Variants in PIAS2 observed in about 807,000 individuals in gnomAD.
The protein encoded by PIAS2 is protein inhibitor of activated STAT 2.
A neutral mutation model predicts 69.7 loss-of-function variants in PIAS2; 19 were observed. That is an observed-to-expected ratio of 0.27 (90% confidence interval 0.19 to 0.40). The LOEUF (loss-of-function observed/expected upper bound fraction) is 0.40, where lower values mean the gene tolerates loss of function less well. Ranked by LOEUF, PIAS2 falls within the 10% of genes least tolerant of loss-of-function variation. The pLI, the probability that PIAS2 is intolerant of heterozygous loss-of-function variation, is 1.00. For synonymous variants in PIAS2, 261 were observed against 263.2 expected, an observed-to-expected ratio of 0.99 and a Z score of 0.08; for missense variants, 624 against 757.0, an observed-to-expected ratio of 0.82 and a Z score of 2.06.
rs193137552 is a variant in PIAS2, at chr18:46,803,415, C to T, written c.*9018G>A. 2 of 152,176 alleles carry T rather than the reference C, an allele frequency of 1.3e-5. No homozygotes were observed. Among genetic ancestry groups the T allele is most frequent in the African/African-American group, 4.8e-5 (2 of 41,440 alleles). The allele number at this position is 152,176 out of a possible 1,614,324, so 9.4% of individuals were successfully genotyped here. A position where few individuals can be genotyped will look rare whatever the true frequency, so the allele number is the denominator to read the frequency against. The stretch of plus-strand genomic sequence containing the variant: ...CTATTTTTTGGCCTCTGTAATACCA[C>T]GTTATTTTCCTTCAGTCTCAGCTGC... On this transcript the variant is annotated 3_prime_UTR_variant, in exon 14 of 14. Coordinates refer to ENST00000585916, the MANE Select transcript of PIAS2 (RefSeq NM_004671.5).
intron 1 of PIAS2, among the ~76,000 whole-genome samples, chr18:46,895,406 C>T (rs1210073028): frequency 6.6e-6 from 1 of 152,150 alleles, no homozygotes; most frequent in Non-Finnish European, 1.5e-5. Context: ...CACGGTGGCT[C>T]ACACCTGTAA....
intron 8 of PIAS2, among the ~76,000 whole-genome samples, chr18:46,842,134 G>A (rs2045490973): frequency 6.6e-6 from 1 of 151,900 alleles, no homozygotes. Context: ...GCTGAGATGG[G>A]AAGATCACTT....
chr18:46,874,042 G>A (rs1198095190), intron 2 of PIAS2, among the ~76,000 whole-genome samples: 1 of 152,210 alleles, frequency 6.6e-6, no homozygotes, highest in Non-Finnish European at 1.5e-5. Context: ...GTTGCATCAA[G>A]AAACCCACTG....
At position 46,816,812 on chromosome 18, in the gene PIAS2, AC is replaced by A. The variant is rs1358213412; in HGVS notation, c.1649-1464del. 14 of 985,022 alleles carry A rather than the reference AC, an allele frequency of 1.4e-5. No homozygotes were observed. The African/African-American group carries it at 2.4e-4, about 17-fold the overall frequency. The allele number at this position is 985,022 out of a possible 1,614,324, so 61.0% of individuals were successfully genotyped here. A position where few individuals can be genotyped will look rare whatever the true frequency, so the allele number is the denominator to read the frequency against. ...ATATGTCTGTCACTAGCTATATGAC[AC>A]AGTGGTTTGAGCCAATACTAAACCA... On this transcript the variant is annotated intron_variant, in intron 12 of 13. Transcript: ENST00000585916.
rs2048548811 is a variant in PIAS2, at chr18:46,860,853, TGTAGTC to T, written c.584+3305_584+3310del. ...TTAGCCAGGTGTGGTGTTGTACACC[TGTAGTC>T]CTAGCTTCTTGTGGGGCTGAGATGG... is the stretch of plus-strand genomic sequence containing the variant. On this transcript the variant is annotated intron_variant, in intron 3 of 13. Transcript: ENST00000585916. Among the ~76,000 whole-genome samples the T allele has an allele frequency of 2.6e-5, 4 of 152,170 alleles. No homozygotes were observed. The South Asian group carries it at 8.3e-4, about 32-fold the overall frequency.
intron 2 of PIAS2, among the ~76,000 whole-genome samples, chr18:46,877,477 T>C (rs547877483): frequency 3.3e-5 from 5 of 151,986 alleles, no homozygotes; most frequent in Admixed American, 6.6e-5. Context: ...TCTTCACTCC[T>C]GACCACCCAT....
chr18:46,867,111 A>G (rs2049604922), intron 2 of PIAS2, among the ~76,000 whole-genome samples: 1 of 152,146 alleles, frequency 6.6e-6, no homozygotes, highest in Admixed American at 6.5e-5. Flanking sequence ...CAATTTATAG[A>G]ACTGGCAGCT....
chr18:46,836,104 A>G (rs539096585), intron 9 of PIAS2: 38 of 300,952 alleles, frequency 1.3e-4, no homozygotes, highest in Middle Eastern at 2.0e-3. Context: ...TGTGGGCTTT[A>G]TAAAATATAA....
chr18:46,829,331 TCCC>T (rs1218716906), intron 10 of PIAS2, among the ~76,000 whole-genome samples: 1 of 152,102 alleles, frequency 6.6e-6, no homozygotes, highest in Non-Finnish European at 1.5e-5. Flanking sequence ...CCTGTGACCA[TCCC>T]CAAACCACCA....
At chr18:46,875,514 A>G (rs1224140077) in intron 2 of PIAS2, among the ~76,000 whole-genome samples, 4 of 152,220 alleles carry the variant, frequency 2.6e-5, no homozygotes, top group African/African-American at 4.8e-5. Flanking sequence ...ACGGGACCCC[A>G]TAAGAATCTT....
intron 2 of PIAS2, among the ~76,000 whole-genome samples, chr18:46,874,091 C>G (rs952404494): frequency 1.3e-5 from 2 of 152,030 alleles, no homozygotes; most frequent in Non-Finnish European, 2.9e-5. Context: ...CTTGGAGTCT[C>G]CAGATGTAGA....
In PIAS2 at chr18:46,844,086, T is replaced by A; in HGVS notation, c.1009A>T (p.Thr337Ser). 6.5e-7 allele frequency: 1 copy of A among 1,541,218 alleles called. No homozygotes were observed. The highest frequency in any genetic ancestry group is 1.3e-5 in the South Asian group (1 of 74,788). Residue 337 changes from threonine to serine, a missense_variant, in exon 8 of 14, where the codon ACA (threonine) becomes TCA (serine). Coordinates refer to ENST00000585916, the MANE Select transcript of PIAS2 (RefSeq NM_004671.5). ...ATCAAGGATACCCGAAGGCTAGTTG[T>A]AGCAATTTCACTATCAGGATCTGCA... is the stretch of plus-strand genomic sequence containing the variant. ...LTADPDSEIA[T>S]TSLRVSLMCP...
chr18:46,828,163 TA>T (rs1568392764), intron 10 of PIAS2, 33 bp from the exon 11 acceptor site: 1 of 1,563,012 alleles, frequency 6.4e-7, no homozygotes, highest in Non-Finnish European at 8.7e-7. Context: ...AAAAAAAAAT[TA>T]AAGGTATAAC....
chr18:46,828,744 G>A (rs778754464), intron 10 of PIAS2, among the ~76,000 whole-genome samples: 1 of 151,980 alleles, frequency 6.6e-6, no homozygotes, highest in African/African-American at 2.4e-5. Flanking sequence ...TAATCACGTA[G>A]GTTCTTTCTA....
chr18:46,898,169 T>C (rs534631765), intron 1 of PIAS2, among the ~76,000 whole-genome samples: 11 of 152,186 alleles, frequency 7.2e-5, no homozygotes, highest in African/African-American at 2.7e-4. Context: ...TAATTTTTTT[T>C]TTTTGAGAGA....
intron 2 of PIAS2, among the ~76,000 whole-genome samples, chr18:46,884,321 AT>A (rs990387083): frequency 4.7e-5 from 7 of 150,358 alleles, no homozygotes; most frequent in Admixed American, 1.3e-4. Context: ...TTTATTTTTT[AT>A]TTTTTTTTGA....
chr18:46,838,550 T>C (rs1460844353), intron 8 of PIAS2, among the ~76,000 whole-genome samples: 1 of 152,190 alleles, frequency 6.6e-6, no homozygotes, highest in Admixed American at 6.5e-5. Context: ...ACGATATAAC[T>C]CATCACTTAG....
chr18:46,863,321 C>T (rs1334634185), intron 3 of PIAS2, among the ~76,000 whole-genome samples: 1 of 152,046 alleles, frequency 6.6e-6, no homozygotes, highest in African/African-American at 2.4e-5. Flanking sequence ...TATTGCTTTA[C>T]CCAATATATA....
chr18:46,814,436 C>T (rs570302618), intron 13 of PIAS2, among the ~76,000 whole-genome samples: 9 of 152,240 alleles, frequency 5.9e-5, no homozygotes, highest in Admixed American at 5.9e-4. Context: ...TAGACACTTT[C>T]ACTAGGTACC....
Sources: gnomAD v4.1 joint callset for allele counts (sites outside exome capture counted in the v4.1 genomes callset) on GRCh38, gnomAD v4.1.1 for gene constraint, MANE v1.5 for transcripts, NCBI Gene and HGNC (gene_info 2026-07-23, HGNC 2026-07-21) for gene names.